Variants in ZEB1 observed in about 807,000 individuals in gnomAD.
The protein encoded by ZEB1 is zinc finger E-box-binding homeobox 1.
In ZEB1, 21 loss-of-function variants were observed where a neutral mutation model predicts 84.9. The observed-to-expected ratio is 0.25, with a 90% CI of 0.18 to 0.36. The LOEUF is 0.36. ZEB1 is among the 10% of genes least tolerant of loss of function. ZEB1 has a pLI of 1.00. For synonymous variants in ZEB1, 420 were observed against 471.1 expected (o/e 0.89, Z 1.41); for missense variants, 1,104 against 1,330.2 (o/e 0.83, Z 2.65).
rs1334725895 is a variant in ZEB1, at chr10:31,502,496, T to G, written c.471T>G (p.Gly157=). The change falls in exon 4 of 9, where the codon GGT becomes GGG. Residue 157 remains glycine (G), a synonymous_variant. Coordinates refer to ENST00000424869, the MANE Select transcript of ZEB1 (RefSeq NM_001174096.2). ...DQRQGTPEAS[G]HDENGTPDAF... is the part of the protein sequence containing the mutation. Reference sequence around the variant, plus strand: ...GGCAGGGCACACCAGAAGCCAGTGGTCATGATGAAAATGGTAAATGGATCT... The same window carrying G: ...GGCAGGGCACACCAGAAGCCAGTGGGCATGATGAAAATGGTAAATGGATCT... The G allele has an allele frequency of 6.2e-7, 1 of 1,613,692 alleles. No homozygotes were observed. The highest frequency in any genetic ancestry group is 8.5e-7 in the Non-Finnish European group (1 of 1,179,742).
chr10:31,487,526 T>C (rs1441224074), intron 2 of ZEB1, among the ~76,000 whole-genome samples: 4 of 151,486 alleles, frequency 2.6e-5, no homozygotes, highest in Non-Finnish European at 4.4e-5. Context: ...TGTGAATGGC[T>C]TGAAGTTTTT....
chr10:31,363,246 G>T (rs1256806393), intron 1 of ZEB1: 5 of 1,533,968 alleles, frequency 3.3e-6, no homozygotes, highest in Non-Finnish European at 4.4e-6. Flanking sequence ...ACAGGGAGCA[G>T]CCCGGAACTG....
At chr10:31,453,137 A>G (rs558284668) in intron 1 of ZEB1, among the ~76,000 whole-genome samples, 3 of 152,232 alleles carry the variant, frequency 2.0e-5, no homozygotes, top group East Asian at 1.9e-4. Flanking sequence ...CTTGATGGCA[A>G]TGAGTGGGAT....
At chr10:31,518,692 G>A (rs1485002999) in intron 6 of ZEB1, among the ~76,000 whole-genome samples, 1 of 152,022 alleles carries the variant, frequency 6.6e-6, no homozygotes, top group African/African-American at 2.4e-5. Flanking sequence ...CAAATCCATG[G>A]ACCTCAACAG....
chr10:31,399,573 C>A (rs2051515935), intron 1 of ZEB1, among the ~76,000 whole-genome samples: 1 of 152,184 alleles, frequency 6.6e-6, no homozygotes, highest in Non-Finnish European at 1.5e-5. Flanking sequence ...AAATCACCTT[C>A]ATCTCTTACC....
chr10:31,526,540 G>T, intron 8 of ZEB1, 132 bp from the exon 9 acceptor site: 1 of 1,136,132 alleles, frequency 8.8e-7, no homozygotes, highest in Non-Finnish European at 1.3e-6. Flanking sequence ...CAAAGAGTTT[G>T]GGACCTGGAA....
intron 1 of ZEB1, among the ~76,000 whole-genome samples, chr10:31,428,551 G>A (rs540777954): frequency 7.1e-4 from 108 of 152,332 alleles, no homozygotes; most frequent in Non-Finnish European, 1.1e-3. Context: ...TTTGGGTGGA[G>A]AGTTCTGTAA....
intron 1 of ZEB1, among the ~76,000 whole-genome samples, chr10:31,416,125 TC>T (rs1269417368): frequency 6.6e-6 from 1 of 152,112 alleles, no homozygotes; most frequent in Non-Finnish European, 1.5e-5. Flanking sequence ...TGATTTTTTT[TC>T]AGATTTCAAA....
rs192715942 is a variant in ZEB1 at position 31,423,072 on chromosome 10, G to A, written c.59-37965G>A. Among the ~76,000 whole-genome samples the A allele has an allele frequency of 1.5e-3, 234 of 151,924 alleles. 1 individual carries two copies. Among genetic ancestry groups the A allele is most frequent in the African/African-American group, 4.7e-3 (195 of 41,444 alleles). ...TATATATACATGTATATATATAAAT[G>A]TATATATAAATGTACTTTTTCATGT... is the stretch of plus-strand genomic sequence containing the variant. On this transcript the variant is annotated intron_variant, in intron 1 of 8. Coordinates refer to ENST00000424869, the MANE Select transcript of ZEB1 (RefSeq NM_001174096.2).
At chr10:31,477,372 A>G (rs1288616509) in intron 2 of ZEB1, among the ~76,000 whole-genome samples, 1 of 152,066 alleles carries the variant, frequency 6.6e-6, no homozygotes, top group Non-Finnish European at 1.5e-5. Context: ...AAGATTACAC[A>G]AATGGAAAAA....
intron 2 of ZEB1, among the ~76,000 whole-genome samples, chr10:31,465,310 AGT>A (rs1211606972): frequency 6.6e-6 from 1 of 152,040 alleles, no homozygotes; most frequent in African/African-American, 2.4e-5. Flanking sequence ...GAGAGGTAAA[AGT>A]GTAGTTTTTA....
At chr10:31,349,468 C>T (rs2040920632) in intron 1 of ZEB1, among the ~76,000 whole-genome samples, 2 of 152,104 alleles carry the variant, frequency 1.3e-5, no homozygotes, top group Non-Finnish European at 2.9e-5. Flanking sequence ...TATGATAGCT[C>T]CAATGTTAGT....
chr10:31,475,743 G>T (rs1213432844), intron 2 of ZEB1, among the ~76,000 whole-genome samples: 2 of 152,094 alleles, frequency 1.3e-5, no homozygotes, highest in Non-Finnish European at 2.9e-5. Flanking sequence ...CACATAGAGA[G>T]AATTCATCAC....
intron 1 of ZEB1, among the ~76,000 whole-genome samples, chr10:31,458,834 A>C (rs1045388100): frequency 6.6e-6 from 1 of 152,162 alleles, no homozygotes; most frequent in African/African-American, 2.4e-5. Context: ...GTATATCTGT[A>C]TGATAGAATG....
chr10:31,454,745 C>G (rs892927141), intron 1 of ZEB1, among the ~76,000 whole-genome samples: 1 of 152,166 alleles, frequency 6.6e-6, no homozygotes, highest in Non-Finnish European at 1.5e-5. Flanking sequence ...CAAACCACTT[C>G]TCAAGGAAAT....
intron 1 of ZEB1, among the ~76,000 whole-genome samples, chr10:31,331,551 C>G (rs766746934): frequency 3.3e-5 from 5 of 151,960 alleles, no homozygotes; most frequent in African/African-American, 7.3e-5. Flanking sequence ...GTACCTTGCC[C>G]TAAGGAGATT....
chr10:31,483,523 A>G (rs1422918238), intron 2 of ZEB1, among the ~76,000 whole-genome samples: 2 of 152,044 alleles, frequency 1.3e-5, no homozygotes, highest in Non-Finnish European at 2.9e-5. Flanking sequence ...ATCAATGCCC[A>G]TCCATATAGA....
chr10:31,357,643 A>G (rs1564570188), intron 1 of ZEB1, among the ~76,000 whole-genome samples: 2 of 152,282 alleles, frequency 1.3e-5, no homozygotes, highest in South Asian at 4.1e-4. Flanking sequence ...AAAGCTAGGA[A>G]TGGGTAAAAT....
intron 1 of ZEB1, among the ~76,000 whole-genome samples, chr10:31,378,682 A>G (rs1029812613): frequency 6.6e-6 from 1 of 151,996 alleles, no homozygotes; most frequent in East Asian, 1.9e-4. Context: ...TGGGGAAAAA[A>G]TCTTATATAT....
Sources: gnomAD v4.1 joint callset for allele counts (sites outside exome capture counted in the v4.1 genomes callset) on GRCh38, gnomAD v4.1.1 for gene constraint, MANE v1.5 for transcripts, NCBI Gene and HGNC (gene_info 2026-07-23, HGNC 2026-07-21) for gene names.